TAF4B: variants seen among roughly 807,000 people sequenced by gnomAD.
TAF4B encodes transcription initiation factor TFIID subunit 4B.
Under a neutral mutation model 86.4 loss-of-function variants are expected in TAF4B, and 38 were observed. The ratio of observed to expected loss-of-function variants is 0.44; its 90% CI spans 0.34 to 0.58. TAF4B has a LOEUF of 0.58. Among genes scored for constraint, TAF4B ranks in the 20% least tolerant of loss-of-function variants. TAF4B has a pLI of 0.02. For missense variants in TAF4B, 988 were observed against 1,027.6 expected, an observed-to-expected ratio of 0.96 and a Z score of 0.53; for synonymous variants, 388 against 391.2, an observed-to-expected ratio of 0.99 and a Z score of 0.10.
At chr18:26,354,504 T>C (rs1252385698) in intron 13 of TAF4B, among the ~76,000 whole-genome samples, 1 of 152,216 alleles carries the variant, frequency 6.6e-6, no homozygotes, top group Non-Finnish European at 1.5e-5. Flanking sequence ...TAGTAAATTA[T>C]TCTAGCAGTC....
chr18:26,236,089 T>G (rs948545725), intron 1 of TAF4B, among the ~76,000 whole-genome samples: 1 of 152,168 alleles, frequency 6.6e-6, no homozygotes, highest in Admixed American at 6.5e-5. Context: ...TGCCCAGACT[T>G]CAGGGTTGAT....
intron 13 of TAF4B, among the ~76,000 whole-genome samples, chr18:26,346,763 A>G (rs12953435): frequency 7.6e-4 from 21 of 27,750 alleles, no homozygotes; most frequent in Middle Eastern, 0.024. Context: ...ATGTGTGTAT[A>G]TATATATATA....
intron 14 of TAF4B, among the ~76,000 whole-genome samples, chr18:26,387,858 TAAA>T (rs1036375515): frequency 4.6e-5 from 7 of 152,330 alleles, no homozygotes; most frequent in African/African-American, 1.7e-4. Flanking sequence ...TAGTATCTCT[TAAA>T]GAAGTTTTAT....
At chr18:26,239,987 A>G (rs953983000) in intron 1 of TAF4B, among the ~76,000 whole-genome samples, 9 of 152,056 alleles carry the variant, frequency 5.9e-5, no homozygotes, top group Non-Finnish European at 1.2e-4. Flanking sequence ...TTTGGTTACT[A>G]TAGCCTTGTA....
At chr18:26,309,122 A>G (rs1343324438) in intron 9 of TAF4B, among the ~76,000 whole-genome samples, 1 of 151,806 alleles carries the variant, frequency 6.6e-6, no homozygotes, top group Non-Finnish European at 1.5e-5. Context: ...CCTTATAATG[A>G]ACATATTTCT....
chr18:26,373,277 C>G (rs2057419155), intron 14 of TAF4B, among the ~76,000 whole-genome samples: 1 of 152,096 alleles, frequency 6.6e-6, no homozygotes, highest in Non-Finnish European at 1.5e-5. Flanking sequence ...AAAGCTTGCC[C>G]TCTTCTCTTA....
intron 14 of TAF4B, among the ~76,000 whole-genome samples, chr18:26,362,931 A>G (rs925143442): frequency 4.6e-5 from 7 of 152,354 alleles, no homozygotes; most frequent in Non-Finnish European, 1.0e-4. Context: ...ATTTAAAAAT[A>G]CAGTATTACA....
intron 13 of TAF4B, among the ~76,000 whole-genome samples, chr18:26,352,843 C>T (rs906865116): frequency 5.3e-5 from 8 of 152,172 alleles, no homozygotes; most frequent in South Asian, 2.1e-4. Context: ...ACCAATACCT[C>T]GAAAAGCACA....
At chr18:26,366,921 T>A (rs1296106976) in intron 14 of TAF4B, among the ~76,000 whole-genome samples, 1 of 152,196 alleles carries the variant, frequency 6.6e-6, no homozygotes, top group Non-Finnish European at 1.5e-5. Context: ...TCCTCACAAT[T>A]CCTCTGTAAG....
At chr18:26,348,519 T>G (rs2057218910) in intron 13 of TAF4B, 1 of 156,242 alleles carries the variant, frequency 6.4e-6, no homozygotes, top group African/African-American at 2.4e-5. Flanking sequence ...CTAAACATCA[T>G]GTAATCCATC....
intron 1 of TAF4B, among the ~76,000 whole-genome samples, chr18:26,229,512 T>TC (rs1491092489): frequency 1.6e-4 from 18 of 114,584 alleles, no homozygotes; most frequent in Middle Eastern, 4.2e-3. Context: ...TTTTTTTTTT[T>TC]CTTTCTCTGA....
intron 14 of TAF4B, among the ~76,000 whole-genome samples, chr18:26,387,735 T>TC (rs1236046650): frequency 4.5e-4 from 69 of 152,200 alleles, no homozygotes; most frequent in African/African-American, 1.6e-3. Flanking sequence ...CCAATTTTTT[T>TC]CCCTCTTTTA....
intron 14 of TAF4B, among the ~76,000 whole-genome samples, chr18:26,381,341 G>T (rs2057477166): frequency 6.6e-6 from 1 of 151,776 alleles, no homozygotes. Context: ...TGGTTGCTGT[G>T]ACTCTGTTCA....
intron 5 of TAF4B, among the ~76,000 whole-genome samples, chr18:26,276,310 A>G (rs1057279011): frequency 1.5e-4 from 23 of 152,266 alleles, no homozygotes; most frequent in Middle Eastern, 3.4e-3. Context: ...TTCAGGTAAA[A>G]TATGTAGGTG....
In TAF4B at chr18:26,260,493, T is replaced by C. The variant is rs573630257; in HGVS notation, c.344-4677T>C. On this transcript the variant is annotated intron_variant, in intron 1 of 14. Transcript: ENST00000269142. ...AGGAAGGGATCCAGTTTCAGCTTTCTACATATGGCTAGCCAGTTTTCCCAG... is the reference window on the plus strand; with the variant it reads ...AGGAAGGGATCCAGTTTCAGCTTTCCACATATGGCTAGCCAGTTTTCCCAG... Among the ~76,000 whole-genome samples the C allele has an allele frequency of 1.1e-4, 16 of 152,358 alleles. No individual in the cohort carries two copies. In the East Asian group the frequency reaches 3.1e-3, roughly 29 times the overall value.
chr18:26,229,494 CTTTTTTT>C (rs34261854), intron 1 of TAF4B, among the ~76,000 whole-genome samples: 10 of 129,368 alleles, frequency 7.7e-5, no homozygotes, highest in East Asian at 2.1e-4. Context: ...TTCTTTCTTT[CTTTTTTT>C]TTTTTTTTTT....
chr18:26,380,442 A>G lies in TAF4B; in HGVS notation c.2422-9403A>G, dbSNP rs540208750. On this transcript the variant is annotated intron_variant, in intron 14 of 14. Coordinates refer to ENST00000269142, the MANE Select transcript of TAF4B (RefSeq NM_005640.3). Reference sequence around the variant, plus strand: ...TTAGAAGTATGTTGTTTAATTTCCAAATGTTTGGTGTTTTCATTGTGGTCA... The same window carrying G: ...TTAGAAGTATGTTGTTTAATTTCCAGATGTTTGGTGTTTTCATTGTGGTCA... Among the ~76,000 whole-genome samples the G allele has an allele frequency of 5.3e-5, 8 of 152,236 alleles. 1 individual carries two copies. Among genetic ancestry groups the G allele is most frequent in the African/African-American group, 1.9e-4 (8 of 41,536 alleles).
chr18:26,278,566 G>A (rs1215110702), intron 5 of TAF4B, among the ~76,000 whole-genome samples: 3 of 150,488 alleles, frequency 2.0e-5, no homozygotes, highest in African/African-American at 4.9e-5. Context: ...CCCTTGGCCC[G>A]CCAAAGTACT....
At chr18:26,283,492 C>T (rs771059911) in intron 6 of TAF4B, among the ~76,000 whole-genome samples, 1 of 151,862 alleles carries the variant, frequency 6.6e-6, no homozygotes, top group Non-Finnish European at 1.5e-5. Context: ...GTAAACCATG[C>T]TGTGAACAGA....
Sources: allele counts gnomAD v4.1 joint callset (sites outside exome capture counted in the v4.1 genomes callset), GRCh38; gene constraint gnomAD v4.1.1; transcripts MANE v1.5; gene names NCBI Gene and HGNC (gene_info 2026-07-23, HGNC 2026-07-21).